Variants in GARRE1 observed in about 807,000 individuals in gnomAD.
GARRE1 encodes granule associated Rac and RHOG effector protein 1.
A neutral mutation model predicts 103.2 loss-of-function variants in GARRE1; 49 were observed. The ratio of observed to expected loss-of-function variants is 0.47; its 90% CI spans 0.38 to 0.60. The LOEUF (loss-of-function observed/expected upper bound fraction) is 0.60, where lower values mean the gene tolerates loss of function less well. Among genes scored for constraint, GARRE1 ranks in the 20% least tolerant of loss-of-function variants. The pLI is 0.00. For missense variants in GARRE1, 1,199 were observed against 1,370.5 expected (o/e 0.87, Z 1.98); for synonymous variants, 505 against 532.8 (o/e 0.95, Z 0.72).
rs1268961059 is a variant in GARRE1, at chr19:34,291,472, G to A, written c.-795-8207G>A. ...ATAATTCACATAATTAGTTTATTTG[G>A]CTCATGGTTCTGGGAAGTCCAAGGT... On this transcript the variant is annotated intron_variant, in intron 1 of 13. Transcript: ENST00000299505. Among the ~76,000 whole-genome samples the A allele has an allele frequency of 2.0e-5, 3 of 152,026 alleles. No homozygotes were observed. In the South Asian group the frequency reaches 6.2e-4, roughly 32 times the overall value.
intron 2 of GARRE1, among the ~76,000 whole-genome samples, chr19:34,304,665 A>G (rs998342510): frequency 2.6e-4 from 40 of 152,206 alleles, no homozygotes; most frequent in Middle Eastern, 3.4e-3. Flanking sequence ...GAGGTTAGCC[A>G]CCACGCCCAG....
At chr19:34,326,248 T>C (rs1043912174) in intron 3 of GARRE1, among the ~76,000 whole-genome samples, 1 of 152,242 alleles carries the variant, frequency 6.6e-6, no homozygotes, top group Non-Finnish European at 1.5e-5. Context: ...TACGGCATTA[T>C]AGCTGCTAGT....
At position 34,300,598 on chromosome 19, in the gene GARRE1, G is replaced by A. The variant is rs537194127; in HGVS notation, c.125G>A (p.Ser42Asn). ...ATGCCTGAGCTGGGCCGAGCACTGA[G>A]TGCTCCCCTGGCATCCACGGCCACC... ...YPMPELGRAL[S>N]APLASTATTA... Residue 42 changes from serine (S) to asparagine (N), a missense_variant, in exon 2 of 14, where the codon AGT becomes AAT. Transcript: ENST00000299505. 1 of 1,613,486 alleles carries A rather than the reference G, an allele frequency of 6.2e-7. No homozygotes were observed.
intron 2 of GARRE1, among the ~76,000 whole-genome samples, chr19:34,308,090 A>C (rs2074019148): frequency 6.6e-6 from 1 of 151,890 alleles, no homozygotes; most frequent in South Asian, 2.1e-4. Context: ...ACTCTTAATT[A>C]AGGACCTTAA....
chr19:34,270,270 C>T (rs373990450), intron 1 of GARRE1, among the ~76,000 whole-genome samples: 10 of 152,246 alleles, frequency 6.6e-5, no homozygotes, highest in African/African-American at 2.4e-4. Flanking sequence ...TCACTACCTT[C>T]TTCCTCTAGG....
intron 2 of GARRE1, among the ~76,000 whole-genome samples, chr19:34,301,705 C>T (rs1198045484): frequency 3.5e-5 from 5 of 144,026 alleles, no homozygotes; most frequent in South Asian, 4.4e-4. Context: ...TTTTTTGAGA[C>T]GGAGTCCTGC....
chr19:34,264,803 T>C (rs1452582745), intron 1 of GARRE1, among the ~76,000 whole-genome samples: 1 of 152,178 alleles, frequency 6.6e-6, no homozygotes, highest in Non-Finnish European at 1.5e-5. Flanking sequence ...TTGCTCTGCC[T>C]TGATGTTTGG....
chr19:34,256,977 A>G (rs535047037), intron 1 of GARRE1, among the ~76,000 whole-genome samples: 8 of 152,202 alleles, frequency 5.3e-5, no homozygotes, highest in African/African-American at 1.9e-4. Context: ...TGAAGAGTTC[A>G]GGTTTGTTGT....
intron 1 of GARRE1, among the ~76,000 whole-genome samples, chr19:34,274,020 A>G (rs980643456): frequency 6.6e-6 from 1 of 152,128 alleles, no homozygotes; most frequent in Non-Finnish European, 1.5e-5. Context: ...AAGATCACTC[A>G]GGAGGCGCCT....
intron 10 of GARRE1, among the ~76,000 whole-genome samples, chr19:34,346,626 C>T (rs1382090976): frequency 6.6e-6 from 1 of 152,030 alleles, no homozygotes; most frequent in Non-Finnish European, 1.5e-5. Context: ...AGACAATGGA[C>T]TTTTTTTGAG....
rs943503454 is a variant in GARRE1, at chr19:34,353,852, A to G, written c.*897A>G. On this transcript the variant is annotated 3_prime_UTR_variant, in exon 14 of 14. Coordinates refer to ENST00000299505, the MANE Select transcript of GARRE1 (RefSeq NM_014686.5). ...CAGAGACACCTGCACTAGAAATTGCATTGACATTGTGAGCTGGCTCAGAAG... is the reference window on the plus strand; with the variant it reads ...CAGAGACACCTGCACTAGAAATTGCGTTGACATTGTGAGCTGGCTCAGAAG... 6.6e-6 allele frequency: 1 copy of G among 152,662 alleles called. No individual in the cohort carries two copies. The highest frequency in any genetic ancestry group is 1.9e-4 in the East Asian group (1 of 5,190). 9.5% of individuals were successfully genotyped at this position (152,662 alleles called of 1,614,324 possible).
chr19:34,275,145 G>A (rs1222390170), intron 1 of GARRE1, among the ~76,000 whole-genome samples: 1 of 148,314 alleles, frequency 6.7e-6, no homozygotes, highest in African/African-American at 2.5e-5. Flanking sequence ...TTTGTGGATT[G>A]GAGAGGACAG....
intron 4 of GARRE1, 75 bp downstream of exon 4, chr19:34,327,636 A>T: frequency 6.5e-7 from 1 of 1,548,868 alleles, no homozygotes; most frequent in Non-Finnish European, 8.9e-7. Flanking sequence ...GTGATGTTGA[A>T]TCAATTAGAA....
At chr19:34,315,405 A>G (rs1228119379) in intron 2 of GARRE1, among the ~76,000 whole-genome samples, 1 of 152,168 alleles carries the variant, frequency 6.6e-6, no homozygotes, top group Non-Finnish European at 1.5e-5. Context: ...TGCAACAACT[A>G]CAGTGGTATA....
At chr19:34,276,201 G>A (rs374858545) in intron 1 of GARRE1, among the ~76,000 whole-genome samples, 4 of 151,918 alleles carry the variant, frequency 2.6e-5, no homozygotes, top group Non-Finnish European at 2.9e-5. Flanking sequence ...GCGCCACCAC[G>A]CCCAGCTAAT....
chr19:34,311,000 C>G (rs2074033673), intron 2 of GARRE1, among the ~76,000 whole-genome samples: 1 of 151,866 alleles, frequency 6.6e-6, no homozygotes, highest in East Asian at 1.9e-4. Context: ...CTTTCTGCCC[C>G]CGCCCCCCCG....
In GARRE1 at chr19:34,284,961, G is replaced by GT. The variant is rs543481851; in HGVS notation, c.-795-14717dup. Reference sequence around the variant, plus strand: ...AGTCCCAGCTACTGGGGAGGCTGCAGTAGGAGGATCATCTGAGCCCAGGAG... The same window carrying GT: ...AGTCCCAGCTACTGGGGAGGCTGCAGTTAGGAGGATCATCTGAGCCCAGGAG... On this transcript the variant is annotated intron_variant, in intron 1 of 13. Coordinates refer to ENST00000299505, the MANE Select transcript of GARRE1 (RefSeq NM_014686.5). Among the ~76,000 whole-genome samples, 1,233 of 152,288 alleles carry GT rather than the reference G, an allele frequency of 8.1e-3. 9 individuals carry two copies. The highest frequency in any genetic ancestry group is 9.3e-3 in the Non-Finnish European group (632 of 68,014).
intron 1 of GARRE1, among the ~76,000 whole-genome samples, chr19:34,256,294 T>A (rs571790861): frequency 7.9e-5 from 12 of 151,278 alleles, no homozygotes; most frequent in Non-Finnish European, 1.8e-4. Flanking sequence ...GGCGGATCAC[T>A]TGAGGTCAGG....
In GARRE1 at chr19:34,335,080, C is replaced by G. The variant is rs529145090; in HGVS notation, c.1361+1279C>G. 4.5e-4 allele frequency among the ~76,000 whole-genome samples: 69 copies of G among 152,044 alleles called. 1 individual carries two copies. The Middle Eastern group carries it at 0.01, about 22-fold the overall frequency. On this transcript the variant is annotated intron_variant, in intron 8 of 13. Transcript: ENST00000299505. ...AAAAACCGTTATGATGTCATTTTGCCCAGAATATTGTTAAATTGTTTTAGA... is the reference window on the plus strand; with the variant it reads ...AAAAACCGTTATGATGTCATTTTGCGCAGAATATTGTTAAATTGTTTTAGA...
Sources: allele counts gnomAD v4.1 joint callset (sites outside exome capture counted in the v4.1 genomes callset), GRCh38; gene constraint gnomAD v4.1.1; transcripts MANE v1.5; gene names NCBI Gene and HGNC (gene_info 2026-07-23, HGNC 2026-07-21).